Variants in LRIG3 observed in about 807,000 individuals in gnomAD.
LRIG3 encodes leucine-rich repeats and immunoglobulin-like domains protein 3.
A neutral mutation model predicts 114.5 loss-of-function variants in LRIG3; 76 were observed. The observed-to-expected ratio is 0.66, with a 90% CI of 0.55 to 0.80. The LOEUF (loss-of-function observed/expected upper bound fraction) is 0.80. Among genes scored for constraint, LRIG3 ranks in the 30% least tolerant of loss-of-function variants. The probability of loss-of-function intolerance (pLI) is 0.00; values close to 1 mark genes in which losing one functional copy is unlikely to be tolerated. For synonymous variants in LRIG3, 512 were observed against 519.8 expected, an observed-to-expected ratio of 0.98 and a Z score of 0.20; for missense variants, 1,239 against 1,382.8, an observed-to-expected ratio of 0.90 and a Z score of 1.65.
At chr12:58,915,596 A>G (rs1872451181) in intron 1 of LRIG3, among the ~76,000 whole-genome samples, 1 of 152,218 alleles carries the variant, frequency 6.6e-6, no homozygotes, top group African/African-American at 2.4e-5. Flanking sequence ...TGTTTGCCCA[A>G]AGACCTACCA....
chr12:58,878,676 G>A (rs1871012478), intron 14 of LRIG3, 148 bp downstream of exon 14: 2 of 922,780 alleles, frequency 2.2e-6, no homozygotes, highest in South Asian at 1.7e-5. Context: ...GTGTTCAAGA[G>A]GCCATTTGCA....
chr12:58,880,445 T>C (rs1357854674), intron 13 of LRIG3, 136 bp downstream of exon 13: 1 of 880,000 alleles, frequency 1.1e-6, no homozygotes. Flanking sequence ...TTTTGTGGAA[T>C]GAAAGGTAGG....
chr12:58,909,535 G>T (rs1448627896), intron 3 of LRIG3, among the ~76,000 whole-genome samples: 2 of 152,110 alleles, frequency 1.3e-5, no homozygotes, highest in African/African-American at 2.4e-5. Flanking sequence ...TTAAAAGAGG[G>T]CTTGGTACAT....
chr12:58,881,667 A>C (rs1016513431), intron 12 of LRIG3, among the ~76,000 whole-genome samples: 6 of 152,108 alleles, frequency 3.9e-5, no homozygotes, highest in Admixed American at 6.5e-5. Context: ...CCCAGAAGGA[A>C]ACATCTGAGA....
intron 3 of LRIG3, among the ~76,000 whole-genome samples, chr12:58,898,586 T>A (rs1871726996): frequency 6.6e-6 from 1 of 152,040 alleles, no homozygotes; most frequent in Non-Finnish European, 1.5e-5. Flanking sequence ...GTGTAAAAGC[T>A]GTCACTTCAT....
chr12:58,881,740 T>G (rs985724944), intron 12 of LRIG3, among the ~76,000 whole-genome samples: 2 of 152,230 alleles, frequency 1.3e-5, no homozygotes, highest in Non-Finnish European at 2.9e-5. Context: ...GTGTATTGAA[T>G]GGGTTATAGG....
intron 4 of LRIG3, 92 bp from the exon 5 acceptor site, chr12:58,890,231 C>T: frequency 1.5e-6 from 2 of 1,325,592 alleles, no homozygotes; most frequent in African/African-American, 3.0e-5. Flanking sequence ...CTCCAGAGAA[C>T]TTAACCATCA....
chr12:58,887,491 G>A (rs966484657), intron 8 of LRIG3, among the ~76,000 whole-genome samples: 14 of 152,024 alleles, frequency 9.2e-5, no homozygotes, highest in Admixed American at 7.9e-4. Context: ...ATTTTACAAA[G>A]AAAAACTTAG....
chr12:58,884,587 T>C (rs188915563), intron 10 of LRIG3, among the ~76,000 whole-genome samples: 1 of 152,196 alleles, frequency 6.6e-6, no homozygotes, highest in Non-Finnish European at 1.5e-5. Context: ...TTTCAATAAA[T>C]ACTGCAATGT....
chr12:58,874,009 G>T, intron 18 of LRIG3, 46 bp downstream of exon 18: 1 of 1,601,132 alleles, frequency 6.2e-7, no homozygotes, highest in Non-Finnish European at 8.5e-7. Flanking sequence ...ACACAACTTG[G>T]AGTATGGATC....
intron 3 of LRIG3, among the ~76,000 whole-genome samples, chr12:58,908,423 T>C (rs1379315667): frequency 6.6e-6 from 1 of 152,170 alleles, no homozygotes; most frequent in African/African-American, 2.4e-5. Flanking sequence ...GTGAAAAAGC[T>C]GTATGCCTGA....
intron 3 of LRIG3, chr12:58,913,421 A>T (rs1872355961): frequency 6.6e-6 from 1 of 152,282 alleles, no homozygotes. Flanking sequence ...CCTTAATTGT[A>T]TTTGAAAACT....
chr12:58,876,909 T>A (rs536195992), intron 15 of LRIG3, among the ~76,000 whole-genome samples: 1 of 152,234 alleles, frequency 6.6e-6, no homozygotes, highest in Non-Finnish European at 1.5e-5. Flanking sequence ...TGGGACAGTA[T>A]CTAAGCTTTC....
intron 1 of LRIG3, among the ~76,000 whole-genome samples, chr12:58,917,467 T>C (rs940136971): frequency 6.0e-5 from 9 of 151,236 alleles, no homozygotes; most frequent in Non-Finnish European, 7.4e-5. Context: ...TACTGGGTTG[T>C]TTTTTTTTAG....
chr12:58,878,489 C>T (rs1871005762), intron 14 of LRIG3, among the ~76,000 whole-genome samples: 2 of 151,536 alleles, frequency 1.3e-5, no homozygotes, highest in Admixed American at 6.6e-5. Flanking sequence ...TTTTAATGTT[C>T]TTTATGGTGT....
rs539566655 is a variant in LRIG3, at chr12:58,894,385, G to T, written c.384-3589C>A. On this transcript the variant is annotated intron_variant, in intron 3 of 18. Transcript: ENST00000320743. ...TTTCTTATTAGCTCTCAGACTAACT[G>T]GCAAGTACCCACCTGATATACACCA... is the stretch of plus-strand genomic sequence containing the variant. Among the ~76,000 whole-genome samples the T allele has an allele frequency of 3.3e-5, 5 of 152,046 alleles. No homozygotes were observed. The East Asian group carries it at 7.7e-4, about 24-fold the overall frequency.
At chr12:58,882,835 A>C in intron 12 of LRIG3, 34 bp downstream of exon 12, 1 of 1,549,602 alleles carries the variant, frequency 6.5e-7, no homozygotes, top group Non-Finnish European at 8.7e-7. Context: ...AAAAAGAAGA[A>C]TAAATAAAAG....
intron 1 of LRIG3, chr12:58,919,387 C>G: frequency 6.4e-7 from 1 of 1,551,298 alleles, no homozygotes. Flanking sequence ...CCATAGCTAC[C>G]GACCAGTCTT....
chr12:58,900,067 C>T (rs1014905676), intron 3 of LRIG3, among the ~76,000 whole-genome samples: 4 of 152,134 alleles, frequency 2.6e-5, no homozygotes, highest in African/African-American at 9.7e-5. Flanking sequence ...TCCTGAATCC[C>T]AGGTACTTTC....
Sources: gnomAD v4.1 joint callset for allele counts (sites outside exome capture counted in the v4.1 genomes callset) on GRCh38, gnomAD v4.1.1 for gene constraint, MANE v1.5 for transcripts, NCBI Gene and HGNC (gene_info 2026-07-23, HGNC 2026-07-21) for gene names.